RFX3: variants seen among roughly 807,000 people sequenced by gnomAD.
RFX3 encodes the protein transcription factor RFX3.
In RFX3, 14 loss-of-function variants were observed where a neutral mutation model predicts 98.6. The observed-to-expected ratio is 0.14, with a 90% CI of 0.09 to 0.22. The LOEUF is 0.22. RFX3 is among the 10% of genes least tolerant of loss of function. The pLI is 1.00. For missense variants in RFX3, 639 were observed against 926.9 expected (o/e 0.69, Z 4.03); for synonymous variants, 383 against 328.4 (o/e 1.17, Z -1.80).
chr9:3,521,470 T>A (rs1308161094), intron 1 of RFX3, among the ~76,000 whole-genome samples: 1 of 152,196 alleles, frequency 6.6e-6, no homozygotes, highest in African/African-American at 2.4e-5. Context: ...TGAGTTCACA[T>A]TCTTAGTGAT....
intron 1 of RFX3, among the ~76,000 whole-genome samples, chr9:3,524,827 GCACA>G (rs34119220): frequency 0.22 from 28,422 of 127,704 alleles, 3,099 homozygotes; most frequent in Middle Eastern, 0.27. Flanking sequence ...TAAATCACAA[GCACA>G]CACACACACA....
Position 3,224,923 on chromosome 9 carries a change from G to C in RFX3, c.*119C>G, listed in dbSNP as rs1425522787. 1 of 1,011,334 alleles carries C rather than the reference G, an allele frequency of 9.9e-7. No individual in the cohort carries two copies. The highest frequency in any genetic ancestry group is 1.6e-5 in the South Asian group (1 of 62,728). 62.6% of individuals were successfully genotyped at this position (1,011,334 alleles called of 1,614,324 possible). ...CCATTCCATTTCACAACTCCAAAAA[G>C]TTAATGTTCAGCACAGATAGAATTT... is the stretch of plus-strand genomic sequence containing the variant. On this transcript the variant is annotated 3_prime_UTR_variant, in exon 17 of 17. Coordinates refer to ENST00000617270, the MANE Select transcript of RFX3 (RefSeq NM_001282116.2).
intron 1 of RFX3, among the ~76,000 whole-genome samples, chr9:3,423,789 A>ATATC (rs554883624): frequency 0.011 from 1,316 of 123,478 alleles, 30 homozygotes; most frequent in African/African-American, 0.054. Flanking sequence ...ATATATATAT[A>ATATC]TATATATATA....
chr9:3,521,337 G>T (rs1035063486), intron 1 of RFX3, among the ~76,000 whole-genome samples: 1 of 152,086 alleles, frequency 6.6e-6, no homozygotes, highest in African/African-American at 2.4e-5. Flanking sequence ...ATTAGTACAC[G>T]AAGTTAGGTT....
intron 1 of RFX3, among the ~76,000 whole-genome samples, chr9:3,481,579 G>C (rs1849765432): frequency 6.7e-6 from 1 of 149,826 alleles, no homozygotes; most frequent in African/African-American, 2.5e-5. Context: ...GGAATAAAAA[G>C]CAAAAAAAAA....
At chr9:3,505,042 T>C (rs1816785944) in intron 1 of RFX3, among the ~76,000 whole-genome samples, 1 of 88,812 alleles carries the variant, frequency 1.1e-5, no homozygotes, top group Non-Finnish European at 1.9e-5. Context: ...TATAATATAT[T>C]TTATATTATA....
intron 15 of RFX3, 60 bp downstream of exon 15, chr9:3,247,972 G>A (rs144215421): frequency 6.2e-7 from 1 of 1,613,916 alleles, no homozygotes. Context: ...TTAGACTGAA[G>A]TGTAATTCTG....
chr9:3,338,043 C>T (rs1254725816), intron 3 of RFX3, among the ~76,000 whole-genome samples: 3 of 152,144 alleles, frequency 2.0e-5, no homozygotes, highest in African/African-American at 4.8e-5. Context: ...ATTCATCAGA[C>T]TGAAGGCAGA....
chr9:3,423,812 T>TAC (rs1843688368), intron 1 of RFX3, among the ~76,000 whole-genome samples: 2 of 138,108 alleles, frequency 1.4e-5, no homozygotes, highest in African/African-American at 2.6e-5. Context: ...TATATATATA[T>TAC]CTTAAGGTAA....
intron 4 of RFX3, among the ~76,000 whole-genome samples, chr9:3,311,507 T>C (rs1235046877): frequency 6.6e-6 from 1 of 152,200 alleles, no homozygotes; most frequent in Non-Finnish European, 1.5e-5. Context: ...CTTTTGCATT[T>C]AGTCTCTATA....
At position 3,382,374 on chromosome 9, in the gene RFX3, T is replaced by C. The variant is rs568437675; in HGVS notation, c.117+13098A>G. Among the ~76,000 whole-genome samples, 2 of 152,190 alleles carry C rather than the reference T, an allele frequency of 1.3e-5. 1 individual carries two copies. Among genetic ancestry groups the C allele is most frequent in the South Asian group, 4.1e-4 (2 of 4,832 alleles). ...AATAATTAATATGTCAACTATAATA[T>C]GAATTTGGGTGAGTTTAACTTTTTT... On this transcript the variant is annotated intron_variant, in intron 2 of 16. Coordinates refer to ENST00000617270, the MANE Select transcript of RFX3 (RefSeq NM_001282116.2).
At chr9:3,329,029 G>A (rs1242330265) in intron 4 of RFX3, among the ~76,000 whole-genome samples, 2 of 152,136 alleles carry the variant, frequency 1.3e-5, no homozygotes, top group Non-Finnish European at 2.9e-5. Flanking sequence ...AAAAGCAGAA[G>A]TTCAGGCTAC....
chr9:3,394,573 T>C (rs545035171), intron 2 of RFX3, among the ~76,000 whole-genome samples: 1 of 152,334 alleles, frequency 6.6e-6, no homozygotes, highest in African/African-American at 2.4e-5. Context: ...CCCAATTCTA[T>C]ATCCTGTAAA....
At chr9:3,261,174 A>G (rs2131187738) in intron 13 of RFX3, among the ~76,000 whole-genome samples, 1 of 152,206 alleles carries the variant, frequency 6.6e-6, no homozygotes, top group Non-Finnish European at 1.5e-5. Flanking sequence ...TCATTCATCT[A>G]AAGAATACCG....
intron 1 of RFX3, among the ~76,000 whole-genome samples, chr9:3,412,398 A>C (rs1842535936): frequency 6.6e-6 from 1 of 152,138 alleles, no homozygotes. Flanking sequence ...TCTTAAGTTG[A>C]CTCAAAGATA....
chr9:3,498,189 A>G (rs1851247557), intron 1 of RFX3, among the ~76,000 whole-genome samples: 1 of 152,050 alleles, frequency 6.6e-6, no homozygotes, highest in Admixed American at 6.6e-5. Context: ...ATGTTAACTT[A>G]CAGCACAATG....
At chr9:3,294,036 T>C (rs1271143044) in intron 5 of RFX3, among the ~76,000 whole-genome samples, 1 of 152,190 alleles carries the variant, frequency 6.6e-6, no homozygotes, top group East Asian at 1.9e-4. Context: ...TGTTATCCTG[T>C]GTACATTACA....
At chr9:3,351,776 T>C (rs977431326) in intron 2 of RFX3, among the ~76,000 whole-genome samples, 4 of 151,868 alleles carry the variant, frequency 2.6e-5, no homozygotes, top group South Asian at 2.1e-4. Flanking sequence ...TCTAGAACTA[T>C]AAAAATTACC....
rs73639894 is a variant in RFX3, at chr9:3,437,807, T to C, written c.-8-42211A>G. ...GCTTACCTGCAGAAACCACAAGACC[T>C]GAATGCCCTCTCTCCATGTCAGATG... On this transcript the variant is annotated intron_variant, in intron 1 of 16. Transcript: ENST00000617270. Among the ~76,000 whole-genome samples the C allele has an allele frequency of 9.8e-3, 1,498 of 152,144 alleles. 19 individuals carry two copies. Among genetic ancestry groups the C allele is most frequent in the African/African-American group, 0.029 (1,223 of 41,536 alleles).
Sources: allele counts gnomAD v4.1 joint callset (sites outside exome capture counted in the v4.1 genomes callset), GRCh38; gene constraint gnomAD v4.1.1; transcripts MANE v1.5; gene names NCBI Gene and HGNC (gene_info 2026-07-23, HGNC 2026-07-21).